The following NCOR2 variants were observed in gnomAD, a reference collection of about 807,000 sequenced individuals.
The protein encoded by NCOR2 is nuclear receptor corepressor 2, also known as CTG repeat protein 26.
Under a neutral mutation model 262.9 loss-of-function variants are expected in NCOR2, and 81 were observed. The observed-to-expected ratio is 0.31, with a 90% CI of 0.26 to 0.37. The LOEUF (loss-of-function observed/expected upper bound fraction) is 0.37, where lower values mean the gene tolerates loss of function less well. NCOR2 is among the 10% of genes least tolerant of loss of function. The probability of loss-of-function intolerance (pLI) is 1.00; values close to 1 mark genes in which losing one functional copy is unlikely to be tolerated. For synonymous variants in NCOR2, 1,659 were observed against 1,559.3 expected, an observed-to-expected ratio of 1.06 and a Z score of -1.51; for missense variants, 3,385 against 3,621.4, an observed-to-expected ratio of 0.93 and a Z score of 1.68.
rs2038006135 is a variant in NCOR2, at chr12:124,357,029, G to A, written c.3101-247C>T. On this transcript the variant is annotated intron_variant, in intron 22 of 46. Transcript: ENST00000405201. ...CTGGGGGCTCTCAGCTGCCGCTGAGGACGAGAACGGGACCCTCTGGCTTTG... is the reference window on the plus strand; with the variant it reads ...CTGGGGGCTCTCAGCTGCCGCTGAGAACGAGAACGGGACCCTCTGGCTTTG... 3.3e-5 allele frequency among the ~76,000 whole-genome samples: 5 copies of A among 152,234 alleles called. 1 individual carries two copies. The highest frequency in any genetic ancestry group is 2.6e-4 in the Admixed American group (4 of 15,290).
At chr12:124,325,095 C>T (rs1407822106) in exon 47 of NCOR2, 3 of 258,272 alleles carry the variant, frequency 1.2e-5, no homozygotes, top group Non-Finnish European at 2.2e-5. Context: ...CCTGGCCGCC[C>T]TGGCCGCCTG....
At position 124,503,610 on chromosome 12, in the gene NCOR2, G is replaced by A. The variant is rs969486942; in HGVS notation, c.-117-8242C>T. ...TGGACGGATGGATGGATGGACGGAC[G>A]GACGGATGGATGGATGGATGGATGG... On this transcript the variant is annotated intron_variant, in intron 1 of 46. Transcript: ENST00000404621. This position sits in a 1 kb window ranked among gnomAD's most constrained non-coding sequence, Gnocchi z 4.3. Among the ~76,000 whole-genome samples the A allele has an allele frequency of 3.4e-5, 5 of 146,494 alleles. No individual in the cohort carries two copies. The highest frequency in any genetic ancestry group is 7.5e-5 in the Non-Finnish European group (5 of 66,414).
chr12:124,436,601 G>T (rs1019893304), intron 8 of NCOR2, among the ~76,000 whole-genome samples: 1 of 152,158 alleles, frequency 6.6e-6, no homozygotes, highest in Non-Finnish European at 1.5e-5. Context: ...AAAGTCCCAT[G>T]AGCCAAAACC....
chr12:124,404,996 G>A (rs1263130300), intron 13 of NCOR2, among the ~76,000 whole-genome samples: 1 of 152,216 alleles, frequency 6.6e-6, no homozygotes, highest in Non-Finnish European at 1.5e-5. Flanking sequence ...GAGTGTGGGG[G>A]ATGGGGCCCT....
chr12:124,388,687 C>A (rs2041004938), intron 16 of NCOR2: 2 of 1,304,514 alleles, frequency 1.5e-6, no homozygotes, highest in Non-Finnish European at 2.0e-6. Context: ...TCACTCACAT[C>A]CTCTCATTCG....
intron 8 of NCOR2, among the ~76,000 whole-genome samples, chr12:124,434,108 G>A (rs1464810431): frequency 2.0e-5 from 3 of 152,276 alleles, no homozygotes; most frequent in East Asian, 3.9e-4. Context: ...GCAGGCTTGG[G>A]GGGCTGTGCT....
At position 124,566,384 on chromosome 12, in the gene NCOR2, A is replaced by G. The variant is rs1222351732; in HGVS notation, c.-165+924T>C. Among the ~76,000 whole-genome samples, 1 of 151,914 alleles carries G rather than the reference A, an allele frequency of 6.6e-6. No individual in the cohort carries two copies. Among genetic ancestry groups the G allele is most frequent in the Non-Finnish European group, 1.5e-5 (1 of 67,950 alleles). ...AAAATAACGCCGGGCGCCCCACGCTAATTGGGCCCGGGCGACAGCAGCTCC... is the reference window on the plus strand; with the variant it reads ...AAAATAACGCCGGGCGCCCCACGCTGATTGGGCCCGGGCGACAGCAGCTCC... On this transcript the variant is annotated intron_variant, in intron 1 of 32. Coordinates refer to the NCOR2 transcript ENST00000458234. The surrounding 1 kb of genome is among the most constrained non-coding windows in gnomAD (Gnocchi z 4.3).
rs552902931 is a variant in NCOR2 at position 124,466,047 on chromosome 12, G to A, written c.705+126C>T. Reference sequence around the variant, plus strand: ...ACCCACTCATAAACCCTGCGTCTCTGGGGGAGAGGGTGGCGAGGTCCCCTC... The same window carrying A: ...ACCCACTCATAAACCCTGCGTCTCTAGGGGAGAGGGTGGCGAGGTCCCCTC... On this transcript the variant is annotated intron_variant, in intron 5 of 46. Transcript: ENST00000405201. 4.4e-5 allele frequency: 40 copies of A among 916,166 alleles called. No homozygotes were observed. In the East Asian group the frequency reaches 9.8e-4, roughly 22 times the overall value. 56.8% of individuals were successfully genotyped at this position (916,166 alleles called of 1,614,324 possible).
rs2044980935 is a variant in NCOR2, at chr12:124,443,898, A to G, written c.816-5902T>C. 6.6e-6 allele frequency among the ~76,000 whole-genome samples: 1 copy of G among 152,106 alleles called. No individual in the cohort carries two copies. Among genetic ancestry groups the G allele is most frequent in the Non-Finnish European group, 1.5e-5 (1 of 68,032 alleles). On this transcript the variant is annotated intron_variant, in intron 7 of 46. Coordinates refer to ENST00000405201, the Ensembl canonical transcript of NCOR2. The surrounding 1 kb of genome is among the most constrained non-coding windows in gnomAD (Gnocchi z 4.4). ...AAGCTTCTCTTGAAAACATCAGGCC[A>G]TCGGGCCACACCCCTTCATGGCCAC...
chr12:124,387,954 G>A (rs959507349), intron 16 of NCOR2, among the ~76,000 whole-genome samples: 2 of 152,112 alleles, frequency 1.3e-5, no homozygotes, highest in Non-Finnish European at 2.9e-5. Context: ...CAACACTGGG[G>A]AGGTTGACAT....
exon 38 of NCOR2, chr12:124,337,023 G>T (rs781762231): frequency 2.0e-5 from 30 of 1,504,692 alleles, no homozygotes; most frequent in Non-Finnish European, 2.4e-5. Flanking sequence ...GTGTCTGCTC[G>T]GGGCCGCTCT....
At chr12:124,348,520 G>C (rs1593158953) in intron 28 of NCOR2, 1 of 632,984 alleles carries the variant, frequency 1.6e-6, no homozygotes, top group East Asian at 3.0e-5. Context: ...AGCTTTTCCA[G>C]GGGGTTGCAC....
intron 6 of NCOR2, among the ~76,000 whole-genome samples, chr12:124,452,728 A>G (rs979485171): frequency 3.3e-5 from 5 of 152,198 alleles, no homozygotes; most frequent in African/African-American, 9.7e-5. Context: ...GGGGGCAGCA[A>G]GAGCCCGGTC....
chr12:124,342,275 A>C (rs750144222), intron 33 of NCOR2, among the ~76,000 whole-genome samples: 141 of 152,356 alleles, frequency 9.3e-4, no homozygotes, highest in Non-Finnish European at 3.4e-4. Context: ...ACTTCTACGA[A>C]GGATGCTTTT....
intron 20 of NCOR2, among the ~76,000 whole-genome samples, chr12:124,366,060 G>A (rs2039011272): frequency 6.6e-6 from 1 of 152,140 alleles, no homozygotes; most frequent in African/African-American, 2.4e-5. Flanking sequence ...AGCCCTCATT[G>A]CCCTAAACCC....
chr12:124,556,805 G>A (rs1360737615), intron 1 of NCOR2, among the ~76,000 whole-genome samples: 2 of 151,460 alleles, frequency 1.3e-5, no homozygotes, highest in Non-Finnish European at 2.9e-5. Flanking sequence ...TGGAGATCAT[G>A]CCACTGTACT....
intron 13 of NCOR2, among the ~76,000 whole-genome samples, chr12:124,402,776 G>A (rs1039579659): frequency 6.6e-6 from 1 of 152,170 alleles, no homozygotes; most frequent in African/African-American, 2.4e-5. Context: ...AGGGGCCTGG[G>A]GAGGCGGAGT....
chr12:124,407,365 C>T (rs983378859), intron 13 of NCOR2, among the ~76,000 whole-genome samples: 1 of 152,244 alleles, frequency 6.6e-6, no homozygotes, highest in African/African-American at 2.4e-5. Flanking sequence ...TTTGGCAGAG[C>T]AGGAGGCCTC....
chr12:124,463,864 A>G (rs1438772340), intron 5 of NCOR2, among the ~76,000 whole-genome samples: 1 of 151,934 alleles, frequency 6.6e-6, no homozygotes, highest in Non-Finnish European at 1.5e-5. Flanking sequence ...CCTCTTCCAC[A>G]GGCCAGAGCT....
Sources: gnomAD v4.1 joint callset for allele counts (sites outside exome capture counted in the v4.1 genomes callset) on GRCh38, gnomAD v4.1.1 for gene constraint, Gnocchi (gnomAD v3.1) non-coding constraint, MANE v1.5 for transcripts, NCBI Gene and HGNC (gene_info 2026-07-23, HGNC 2026-07-21) for gene names.